Variants in TMEM168 observed in about 807,000 individuals in gnomAD.
The protein encoded by TMEM168 is transmembrane protein 168.
In TMEM168, 40 loss-of-function variants were observed where a neutral mutation model predicts 53.2. The ratio of observed to expected loss-of-function variants is 0.75; its 90% CI spans 0.58 to 0.98. TMEM168 has a LOEUF of 0.98. TMEM168 is among the 50% of genes least tolerant of loss of function. The pLI, the probability that TMEM168 is intolerant of heterozygous loss-of-function variation, is 0.00. For synonymous variants in TMEM168, 282 were observed against 293.0 expected (o/e 0.96, Z 0.38); for missense variants, 771 against 828.8 (o/e 0.93, Z 0.86).
In TMEM168 at chr7:112,778,295, C is replaced by G. The variant is rs1793142871; in HGVS notation, c.1129-2977G>C. 5.9e-5 allele frequency: 9 copies of G among 152,342 alleles called. No individual in the cohort carries two copies. In the South Asian group the frequency reaches 1.9e-3, roughly 32 times the overall value. The allele number at this position is 152,342 out of a possible 1,614,324, so 9.4% of individuals were successfully genotyped here. A position where few individuals can be genotyped will look rare whatever the true frequency, so the allele number is the denominator to read the frequency against. On this transcript the variant is annotated intron_variant, in intron 2 of 4. Coordinates refer to ENST00000312814, the MANE Select transcript of TMEM168 (RefSeq NM_022484.6). ...ACTCTTGAGGGGACCAAAAGTGCAG[C>G]TCAGCTTTGAAAACAGTTTCCTCTA...
intron 2 of TMEM168, among the ~76,000 whole-genome samples, chr7:112,780,943 C>CAAAA (rs1222902089): frequency 3.3e-5 from 2 of 59,998 alleles, no homozygotes; most frequent in South Asian, 7.3e-4. Context: ...TGATCCGTAT[C>CAAAA]AAAAAAAAAA....
chr7:112,781,715 A>G (rs1302972946), intron 2 of TMEM168, among the ~76,000 whole-genome samples: 1 of 151,980 alleles, frequency 6.6e-6, no homozygotes, highest in Non-Finnish European at 1.5e-5. Context: ...AAAAAAAAAA[A>G]CAAACTTAGA....
chr7:112,789,928 G>C (rs944435371), intron 1 of TMEM168, among the ~76,000 whole-genome samples: 4 of 152,208 alleles, frequency 2.6e-5, no homozygotes, highest in African/African-American at 9.6e-5. Flanking sequence ...CTCTGCCTCG[G>C]AGAACGCGAC....
intron 4 of TMEM168, among the ~76,000 whole-genome samples, chr7:112,772,567 C>A (rs927620323): frequency 2.0e-5 from 3 of 151,950 alleles, no homozygotes; most frequent in African/African-American, 4.8e-5. Flanking sequence ...GCATTTTTTT[C>A]CTTCTAATCA....
At chr7:112,769,960 C>A (rs953698569) in intron 4 of TMEM168, among the ~76,000 whole-genome samples, 11 of 152,182 alleles carry the variant, frequency 7.2e-5, no homozygotes, top group African/African-American at 2.4e-4. Context: ...GATATTAATA[C>A]TGGGCCTGCT....
chr7:112,785,075 G>C (rs904980358), intron 1 of TMEM168, 122 bp from the exon 2 acceptor site: 3 of 307,712 alleles, frequency 9.7e-6, no homozygotes, highest in Non-Finnish European at 1.8e-5. Context: ...TTTACAACCT[G>C]ATTTGCAATA....
Position 112,775,251 on chromosome 7 carries a change from A to G in TMEM168, c.1196T>C (p.Leu399Pro). 6.2e-7 allele frequency: 1 copy of G among 1,613,734 alleles called. No individual in the cohort carries two copies. Among genetic ancestry groups the G allele is most frequent in the Non-Finnish European group, 8.5e-7 (1 of 1,179,742 alleles). ...VLPLESMAHG[L>P]FHELGNCLGG... is the part of the protein sequence containing the mutation. ...TAAACAGTTACCCAATTCATGGAAG[A>G]GCCCATGAGCCATGGATTCCAATGG... Residue 399 changes from leucine to proline, a missense_variant, in exon 3 of 5, where the codon CTC (leucine) becomes CCC (proline). Coordinates refer to ENST00000312814, the MANE Select transcript of TMEM168 (RefSeq NM_022484.6).
chr7:112,784,267 G>C lies in TMEM168; in HGVS notation c.559C>G (p.Leu187Val), dbSNP rs373392069. ...SLSVILLVVA[L>V]AMLIIDLRMK... ...CTCAGATCAATAATCAGCATAGCCA[G>C]AGCTACAACAAGCAAAATGACACTC... Residue 187 changes from leucine (L) to valine (V), a missense_variant, in exon 2 of 5, where the codon CTG (leucine) becomes GTG (valine). Transcript: ENST00000312814. The C allele has an allele frequency of 6.2e-7, 1 of 1,614,102 alleles. No homozygotes were observed. The highest frequency in any genetic ancestry group is 8.5e-7 in the Non-Finnish European group (1 of 1,180,012).
At chr7:112,768,179 A>T (rs914828078) in intron 4 of TMEM168, among the ~76,000 whole-genome samples, 1 of 152,254 alleles carries the variant, frequency 6.6e-6, no homozygotes, top group African/African-American at 2.4e-5. Flanking sequence ...CATGGTTGAA[A>T]GAAAATCAGA....
intron 3 of TMEM168, among the ~76,000 whole-genome samples, 182 bp from the exon 4 acceptor site, chr7:112,773,237 G>T (rs1309906447): frequency 6.6e-6 from 1 of 151,740 alleles, no homozygotes; most frequent in African/African-American, 2.4e-5. Flanking sequence ...ATCAAAACCT[G>T]GTTTCTAAAT....
chr7:112,763,601 A>G lies in TMEM168; in HGVS notation c.*3596T>C, dbSNP rs1792706432. 1 of 152,200 alleles carries G rather than the reference A, an allele frequency of 6.6e-6. No individual in the cohort carries two copies. The highest frequency in any genetic ancestry group is 6.5e-5 in the Admixed American group (1 of 15,278). 9.4% of individuals were successfully genotyped at this position (152,200 alleles called of 1,614,324 possible). Reference sequence around the variant, plus strand: ...GTCAAATATATCTAATCACATTCTTAAAATTAAATCATTTTCTTCTGGCAT... The same window carrying G: ...GTCAAATATATCTAATCACATTCTTGAAATTAAATCATTTTCTTCTGGCAT... On this transcript the variant is annotated 3_prime_UTR_variant, in exon 5 of 5. Transcript: ENST00000312814.
chr7:112,770,031 A>G (rs1792888438), intron 4 of TMEM168, among the ~76,000 whole-genome samples: 1 of 152,232 alleles, frequency 6.6e-6, no homozygotes, highest in Non-Finnish European at 1.5e-5. Flanking sequence ...AGTTTGCTGA[A>G]AAAACAACAA....
At chr7:112,783,265 A>G (rs566077327) in intron 2 of TMEM168, among the ~76,000 whole-genome samples, 3 of 152,220 alleles carry the variant, frequency 2.0e-5, no homozygotes, top group African/African-American at 7.2e-5. Context: ...AACATGTTAC[A>G]GTGAGGAGTC....
At position 112,777,394 on chromosome 7, in the gene TMEM168, A is replaced by G. The variant is rs561007202; in HGVS notation, c.1129-2076T>C. ...TCCACATTACAGTGCCACTTTTGTC[A>G]TAAGTATTCATGGACCTGTTTTTGG... On this transcript the variant is annotated intron_variant, in intron 2 of 4. Coordinates refer to ENST00000312814, the MANE Select transcript of TMEM168 (RefSeq NM_022484.6). Among the ~76,000 whole-genome samples the G allele has an allele frequency of 1.1e-4, 17 of 152,338 alleles. No individual in the cohort carries two copies. In the East Asian group the frequency reaches 2.3e-3, roughly 21 times the overall value.
intron 1 of TMEM168, among the ~76,000 whole-genome samples, chr7:112,789,446 T>C (rs1008542507): frequency 4.6e-5 from 7 of 152,304 alleles, no homozygotes; most frequent in African/African-American, 1.4e-4. Flanking sequence ...TTAACAACAA[T>C]AGTCACCATT....
At chr7:112,770,933 T>C (rs1191019519) in intron 4 of TMEM168, among the ~76,000 whole-genome samples, 1 of 152,176 alleles carries the variant, frequency 6.6e-6, no homozygotes, top group East Asian at 1.9e-4. Flanking sequence ...ATAAGGATTA[T>C]AGTAAGTTTC....
chr7:112,782,469 G>A (rs918787144), intron 2 of TMEM168, among the ~76,000 whole-genome samples: 1 of 152,166 alleles, frequency 6.6e-6, no homozygotes, highest in Non-Finnish European at 1.5e-5. Context: ...GCTAGCAGGA[G>A]GAGGGGCAAG....
intron 3 of TMEM168, 74 bp downstream of exon 3, chr7:112,775,102 T>C (rs1793040447): frequency 1.5e-5 from 19 of 1,248,632 alleles, no homozygotes; most frequent in Non-Finnish European, 2.0e-5. Context: ...AAAGGAGCTA[T>C]ATTTTATTCA....
At position 112,766,628 on chromosome 7, in the gene TMEM168, A is replaced by G. The variant is rs1483602856; in HGVS notation, c.*569T>C. ...ACTTGGGTTCTCTGCCACACTGGTA[A>G]TAAGTCACAACCAAGACATCTGAAT... On this transcript the variant is annotated 3_prime_UTR_variant, in exon 5 of 5. Coordinates refer to ENST00000312814, the MANE Select transcript of TMEM168 (RefSeq NM_022484.6). The G allele has an allele frequency of 6.5e-6, 1 of 152,832 alleles. No individual in the cohort carries two copies. Among genetic ancestry groups the G allele is most frequent in the East Asian group, 1.9e-4 (1 of 5,206 alleles). 9.5% of individuals were successfully genotyped at this position (152,832 alleles called of 1,614,324 possible). A position where few individuals can be genotyped will look rare whatever the true frequency, so the allele number is the denominator to read the frequency against.
Sources: gnomAD v4.1 joint callset for allele counts (sites outside exome capture counted in the v4.1 genomes callset) on GRCh38, gnomAD v4.1.1 for gene constraint, MANE v1.5 for transcripts, NCBI Gene and HGNC (gene_info 2026-07-23, HGNC 2026-07-21) for gene names.